Variants in XKR4 observed in about 807,000 individuals in gnomAD.
XKR4 encodes XK related 4.
XKR4 carries 12 observed loss-of-function variants against 53.9 expected under a neutral mutation model. The ratio of observed to expected loss-of-function variants is 0.22; its 90% CI spans 0.14 to 0.36. The LOEUF (loss-of-function observed/expected upper bound fraction) is 0.36, where lower values mean the gene tolerates loss of function less well. Among genes scored for constraint, XKR4 ranks in the 10% least tolerant of loss-of-function variants. XKR4 has a pLI of 1.00. For missense variants in XKR4, 799 were observed against 859.5 expected (o/e 0.93, Z 0.88); for synonymous variants, 354 against 362.4 (o/e 0.98, Z 0.26).
chr8:55,266,590 G>A (rs1207793189), intron 1 of XKR4, among the ~76,000 whole-genome samples: 1 of 152,124 alleles, frequency 6.6e-6, no homozygotes, highest in Non-Finnish European at 1.5e-5. Flanking sequence ...AACCAGAATG[G>A]AATACAAGAT....
At position 55,466,840 on chromosome 8, in the gene XKR4, T is replaced by C. The variant is rs373302067; in HGVS notation, c.1007-56441T>C. ...TAAACATCCTTATACATTTATTTTT[T>C]GTTTGGATATCTGATTAATACCTCA... is the stretch of plus-strand genomic sequence containing the variant. On this transcript the variant is annotated intron_variant, in intron 2 of 2. Transcript: ENST00000327381. Among the ~76,000 whole-genome samples the C allele has an allele frequency of 3.9e-5, 6 of 152,282 alleles. No homozygotes were observed. The East Asian group carries it at 1.2e-3, about 29-fold the overall frequency.
chr8:55,360,638 G>C (rs1456030995), intron 2 of XKR4, among the ~76,000 whole-genome samples: 1 of 152,106 alleles, frequency 6.6e-6, no homozygotes, highest in Non-Finnish European at 1.5e-5. Context: ...GGGAGAGAAT[G>C]GTCACTCTGT....
intron 1 of XKR4, among the ~76,000 whole-genome samples, chr8:55,223,299 A>C (rs1445618152): frequency 1.3e-5 from 2 of 152,100 alleles, no homozygotes; most frequent in Non-Finnish European, 2.9e-5. Context: ...CCCATGGAAG[A>C]CCTCTCTAGT....
chr8:55,141,428 T>A (rs908948563), intron 1 of XKR4, among the ~76,000 whole-genome samples: 4 of 152,000 alleles, frequency 2.6e-5, no homozygotes, highest in African/African-American at 9.7e-5. Flanking sequence ...CCTCCTCACC[T>A]TCCGTCTCTA....
chr8:55,370,338 T>G (rs918408102), intron 2 of XKR4, among the ~76,000 whole-genome samples: 6 of 152,212 alleles, frequency 3.9e-5, no homozygotes, highest in Non-Finnish European at 4.4e-5. Flanking sequence ...GAAAGAGCTC[T>G]TAATAGTGCC....
At chr8:55,143,863 A>C (rs2129354565) in intron 1 of XKR4, among the ~76,000 whole-genome samples, 1 of 152,396 alleles carries the variant, frequency 6.6e-6, no homozygotes, top group Non-Finnish European at 1.5e-5. Context: ...CTTGTGGCGT[A>C]GGAGCCTCCC....
chr8:55,421,444 G>T (rs1804929906), intron 2 of XKR4, among the ~76,000 whole-genome samples: 1 of 152,182 alleles, frequency 6.6e-6, no homozygotes, highest in Admixed American at 6.5e-5. Flanking sequence ...ACCTGCAAAT[G>T]TCAGCTCTCC....
chr8:55,426,742 T>A (rs116352619), intron 2 of XKR4, among the ~76,000 whole-genome samples: 220 of 152,274 alleles, frequency 1.4e-3, no homozygotes, highest in African/African-American at 5.1e-3. Flanking sequence ...AACCACCAGT[T>A]TGAAATTAGA....
At chr8:55,250,066 T>C (rs1818343237) in intron 1 of XKR4, among the ~76,000 whole-genome samples, 1 of 152,194 alleles carries the variant, frequency 6.6e-6, no homozygotes, top group Non-Finnish European at 1.5e-5. Flanking sequence ...ACTAAAATCT[T>C]AATGGAATTT....
At chr8:55,372,647 C>CA (rs2129386310) in intron 2 of XKR4, among the ~76,000 whole-genome samples, 1 of 151,772 alleles carries the variant, frequency 6.6e-6, no homozygotes, top group African/African-American at 2.4e-5. Context: ...GAAGCTCCCA[C>CA]AACCTCTTAA....
At chr8:55,499,065 T>C (rs1056466922) in intron 2 of XKR4, among the ~76,000 whole-genome samples, 2 of 152,224 alleles carry the variant, frequency 1.3e-5, no homozygotes. Flanking sequence ...CCTTTTTTCA[T>C]TTGGTCTTCT....
At chr8:55,438,764 A>G (rs1340876624) in intron 2 of XKR4, among the ~76,000 whole-genome samples, 2 of 152,194 alleles carry the variant, frequency 1.3e-5, no homozygotes, top group South Asian at 2.1e-4. Context: ...TATAAAATAT[A>G]TCTTAAAATA....
intron 1 of XKR4, among the ~76,000 whole-genome samples, chr8:55,198,092 C>T (rs1291618725): frequency 6.6e-6 from 1 of 152,192 alleles, no homozygotes; most frequent in Non-Finnish European, 1.5e-5. Context: ...CTTCATGAAG[C>T]GCAGGAACAT....
At chr8:55,247,655 C>T (rs1585965197) in intron 1 of XKR4, among the ~76,000 whole-genome samples, 1 of 151,926 alleles carries the variant, frequency 6.6e-6, no homozygotes, top group Admixed American at 6.6e-5. Context: ...TCCCGAGTCA[C>T]CTTCATGATC....
chr8:55,466,759 A>C lies in XKR4; in HGVS notation c.1007-56522A>C, dbSNP rs150813841. Among the ~76,000 whole-genome samples the C allele has an allele frequency of 1.8e-3, 279 of 152,238 alleles. 4 individuals are homozygous for C. The highest frequency in any genetic ancestry group is 6.2e-3 in the African/African-American group (257 of 41,502). ...GTATCAGAATGAGTTGAATCAATCC[A>C]CTATGATTGGAGTTTTAGGTTGTTT... On this transcript the variant is annotated intron_variant, in intron 2 of 2. Transcript: ENST00000327381.
intron 2 of XKR4, among the ~76,000 whole-genome samples, chr8:55,516,373 T>A (rs145518847): frequency 6.6e-6 from 1 of 152,184 alleles, no homozygotes; most frequent in Non-Finnish European, 1.5e-5. Context: ...ATATGTGTAA[T>A]GAATGGTCAT....
At chr8:55,358,119 A>G (rs982380247) in intron 2 of XKR4, among the ~76,000 whole-genome samples, 4 of 152,206 alleles carry the variant, frequency 2.6e-5, no homozygotes, top group Non-Finnish European at 4.4e-5. Flanking sequence ...AAAAATCTTT[A>G]TGATTTTACA....
At chr8:55,420,334 C>G (rs1048758856) in intron 2 of XKR4, among the ~76,000 whole-genome samples, 1 of 152,076 alleles carries the variant, frequency 6.6e-6, no homozygotes, top group Non-Finnish European at 1.5e-5. Context: ...GACACATGCA[C>G]ACGTATGTTT....
intron 1 of XKR4, among the ~76,000 whole-genome samples, chr8:55,255,286 A>G (rs1818421850): frequency 6.6e-6 from 1 of 152,196 alleles, no homozygotes; most frequent in Non-Finnish European, 1.5e-5. Flanking sequence ...CTCAGAGCCT[A>G]CAGTCAGAAA....
Sources: allele counts gnomAD v4.1 joint callset (sites outside exome capture counted in the v4.1 genomes callset), GRCh38; gene constraint gnomAD v4.1.1; transcripts MANE v1.5; gene names NCBI Gene and HGNC (gene_info 2026-07-23, HGNC 2026-07-21).